PLEKHM3: variants seen among roughly 807,000 people sequenced by gnomAD.
The protein encoded by PLEKHM3 is pleckstrin homology domain-containing family M member 3.
Under a neutral mutation model 81.8 loss-of-function variants are expected in PLEKHM3, and 45 were observed. The observed-to-expected ratio is 0.55, with a 90% CI of 0.43 to 0.71. The LOEUF is 0.71. Ranked by LOEUF, PLEKHM3 falls within the 30% of genes least tolerant of loss-of-function variation. The probability of loss-of-function intolerance (pLI) is 0.00; values close to 1 mark genes in which losing one functional copy is unlikely to be tolerated. For missense variants in PLEKHM3, 788 were observed against 924.3 expected (o/e 0.85, Z 1.91); for synonymous variants, 352 against 356.4 (o/e 0.99, Z 0.14).
At chr2:207,921,806 A>G (rs543588611) in intron 5 of PLEKHM3, among the ~76,000 whole-genome samples, 11 of 152,334 alleles carry the variant, frequency 7.2e-5, no homozygotes, top group African/African-American at 2.4e-4. Context: ...AACATTGTAT[A>G]GGCTCATCCA....
In PLEKHM3 at chr2:207,903,210, A is replaced by G. The variant is rs183253730; in HGVS notation, c.1950+5304T>C. 7.9e-5 allele frequency among the ~76,000 whole-genome samples: 12 copies of G among 152,328 alleles called. No individual in the cohort carries two copies. In the East Asian group the frequency reaches 1.7e-3, roughly 22 times the overall value. On this transcript the variant is annotated intron_variant, in intron 6 of 7. Coordinates refer to ENST00000427836, the MANE Select transcript of PLEKHM3 (RefSeq NM_001080475.3). The stretch of plus-strand genomic sequence containing the variant: ...TAATAATTTATTTTTCTTGGGTAAT[A>G]TATTTCCTATAAACTAGAATCTAAA...
intron 5 of PLEKHM3, among the ~76,000 whole-genome samples, chr2:207,926,700 G>T (rs1689404676): frequency 6.6e-6 from 1 of 152,152 alleles, no homozygotes; most frequent in Admixed American, 6.5e-5. Flanking sequence ...TAAGCTTCGG[G>T]GAGGACACTG....
At chr2:208,018,328 A>G (rs61116354) in intron 1 of PLEKHM3, among the ~76,000 whole-genome samples, 68,020 of 148,966 alleles carry the variant, frequency 0.46, 18,826 homozygotes, top group Non-Finnish European at 0.6. Context: ...AGCCAAGATC[A>G]TGCCACTGAA....
chr2:207,986,799 T>C (rs1393268763), intron 2 of PLEKHM3, among the ~76,000 whole-genome samples: 2 of 151,318 alleles, frequency 1.3e-5, no homozygotes, highest in South Asian at 2.1e-4. Flanking sequence ...GCTTCCTGAG[T>C]AGCTGGGACT....
chr2:207,911,132 A>G (rs2621472), intron 5 of PLEKHM3, among the ~76,000 whole-genome samples: 97,454 of 151,860 alleles, frequency 0.64, 32,231 homozygotes, highest in African/African-American at 0.77. Flanking sequence ...AGCACAGAGC[A>G]GACAGCTGAA....
intron 4 of PLEKHM3, among the ~76,000 whole-genome samples, chr2:207,941,037 C>T (rs902500314): frequency 6.6e-6 from 1 of 152,148 alleles, no homozygotes. Context: ...ATCTTGAAAA[C>T]AGTGAAGATT....
At chr2:207,889,465 A>ACACACG (rs1553549508) in intron 6 of PLEKHM3, among the ~76,000 whole-genome samples, 4 of 117,248 alleles carry the variant, frequency 3.4e-5, no homozygotes, top group African/African-American at 1.2e-4. Context: ...ACACACACAC[A>ACACACG]CACACACACA....
At chr2:207,909,490 T>C (rs1342014657) in intron 5 of PLEKHM3, among the ~76,000 whole-genome samples, 1 of 152,222 alleles carries the variant, frequency 6.6e-6, no homozygotes, top group Non-Finnish European at 1.5e-5. Context: ...TGCCAAGCAC[T>C]ATGCCAGGCA....
At chr2:207,967,502 T>C (rs1014987616) in intron 3 of PLEKHM3, among the ~76,000 whole-genome samples, 1 of 152,246 alleles carries the variant, frequency 6.6e-6, no homozygotes, top group East Asian at 1.9e-4. Context: ...CGTTTCAGAA[T>C]CTCAATTCTG....
chr2:207,923,905 A>ATATATATTTTTTT (rs1396762429), intron 5 of PLEKHM3, among the ~76,000 whole-genome samples: 1 of 28,338 alleles, frequency 3.5e-5, no homozygotes. Context: ...ATATATATAT[A>ATATATATTTTTTT]TTTTTTTTTT....
chr2:208,025,230 T>G lies in PLEKHM3; in HGVS notation c.-319+159A>C, dbSNP rs575310773. Among the ~76,000 whole-genome samples the G allele has an allele frequency of 9.8e-5, 15 of 152,360 alleles. 1 individual carries two copies. Among genetic ancestry groups the G allele is most frequent in the African/African-American group, 3.4e-4 (14 of 41,574 alleles). ...TCCCCTCACCCATTAGCCATTGCAG[T>G]GTGGTACAATCTCCAGCACGTAATA... On this transcript the variant is annotated intron_variant, in intron 1 of 7. Transcript: ENST00000427836.
At chr2:207,872,070 C>CGTAG (rs2092537760) in intron 6 of PLEKHM3, among the ~76,000 whole-genome samples, 1 of 152,170 alleles carries the variant, frequency 6.6e-6, no homozygotes, top group East Asian at 1.9e-4. Context: ...AGGTGATGAG[C>CGTAG]TCTACCTAAG....
chr2:207,982,789 G>C (rs1199910322), intron 2 of PLEKHM3, among the ~76,000 whole-genome samples: 1 of 151,962 alleles, frequency 6.6e-6, no homozygotes, highest in East Asian at 1.9e-4. Flanking sequence ...ATGTTGGCCA[G>C]GCTGGTGTCA....
At chr2:207,879,482 A>G (rs1245417695) in intron 6 of PLEKHM3, among the ~76,000 whole-genome samples, 2 of 152,244 alleles carry the variant, frequency 1.3e-5, no homozygotes, top group Admixed American at 1.3e-4. Flanking sequence ...GCATTCAAAA[A>G]GCTAAACTAA....
intron 1 of PLEKHM3, among the ~76,000 whole-genome samples, chr2:208,011,626 G>A (rs965248008): frequency 2.0e-5 from 3 of 151,804 alleles, no homozygotes; most frequent in Non-Finnish European, 2.9e-5. Context: ...GTGGGGAGGG[G>A]GTGAGGAATA....
At chr2:207,992,454 T>G (rs1691929585) in intron 2 of PLEKHM3, among the ~76,000 whole-genome samples, 1 of 152,174 alleles carries the variant, frequency 6.6e-6, no homozygotes, top group African/African-American at 2.4e-5. Flanking sequence ...CAAACTTCAT[T>G]CAACTTGAAT....
In PLEKHM3 at chr2:207,822,220, C is replaced by T. The variant is rs2092222143; in HGVS notation, c.*6099G>A. The T allele has an allele frequency of 6.6e-6, 1 of 152,432 alleles. No homozygotes were observed. The highest frequency in any genetic ancestry group is 2.1e-4 in the South Asian group (1 of 4,838). The allele number at this position is 152,432 out of a possible 1,614,324, so 9.4% of individuals were successfully genotyped here. On this transcript the variant is annotated 3_prime_UTR_variant, in exon 8 of 8. Coordinates refer to ENST00000427836, the MANE Select transcript of PLEKHM3 (RefSeq NM_001080475.3). ...ACAAAGCTAATTTGATAGCTCACGC[C>T]AAACAAAGAGACATTTTTATCACAA...
At position 207,931,132 on chromosome 2, in the gene PLEKHM3, C is replaced by G. The variant is rs767572871; in HGVS notation, c.1693-13G>C. ...CCTGCTTCGACACCTACAAAACAAG[C>G]GTCGTCAGTCAGTCCTGGAGAAGCA... On this transcript the variant is annotated splice_polypyrimidine_tract_variant and intron_variant, in intron 4 of 7. Coordinates refer to ENST00000427836, the MANE Select transcript of PLEKHM3 (RefSeq NM_001080475.3). 1 of 1,595,554 alleles carries G rather than the reference C, an allele frequency of 6.3e-7. No individual in the cohort carries two copies. The highest frequency in any genetic ancestry group is 8.6e-7 in the Non-Finnish European group (1 of 1,167,732).
intron 5 of PLEKHM3, 58 bp downstream of exon 5, chr2:207,930,868 C>T: frequency 1.3e-6 from 2 of 1,580,220 alleles, no homozygotes; most frequent in Non-Finnish European, 1.7e-6. Context: ...AATCTCACCA[C>T]CCTCCGTGGG....
Sources: allele counts gnomAD v4.1 joint callset (sites outside exome capture counted in the v4.1 genomes callset), GRCh38; gene constraint gnomAD v4.1.1; transcripts MANE v1.5; gene names NCBI Gene and HGNC (gene_info 2026-07-23, HGNC 2026-07-21).